SLC35F3: variants seen among roughly 807,000 people sequenced by gnomAD.
The protein encoded by SLC35F3 is solute carrier family 35 member F3, also known as putative thiamine transporter SLC35F3.
In SLC35F3, 25 loss-of-function variants were observed where a neutral mutation model predicts 49.9. The ratio of observed to expected loss-of-function variants is 0.50; its 90% CI spans 0.37 to 0.70. The LOEUF is 0.70. Ranked by LOEUF, SLC35F3 falls within the 30% of genes least tolerant of loss-of-function variation. The pLI is 0.00. For missense variants in SLC35F3, 525 were observed against 639.8 expected (o/e 0.82, Z 1.94); for synonymous variants, 275 against 265.4 (o/e 1.04, Z -0.35).
chr1:234,239,648 TG>T (rs1667523351), intron 3 of SLC35F3, among the ~76,000 whole-genome samples: 1 of 152,230 alleles, frequency 6.6e-6, no homozygotes, highest in Non-Finnish European at 1.5e-5. Context: ...AGGAAAGAAG[TG>T]GGTCAGCGCT....
rs757276033 is a variant in SLC35F3 at position 234,264,139 on chromosome 1, G to A, written c.608+32398G>A. ...CAACAACAAAAAATGCCATAAATTG[G>A]GAGGAAATGTTAGCAATACAGAAAT... On this transcript the variant is annotated intron_variant, in intron 3 of 7. Transcript: ENST00000366618. Among the ~76,000 whole-genome samples, 24 of 152,178 alleles carry A rather than the reference G, an allele frequency of 1.6e-4. No homozygotes were observed. The Middle Eastern group carries it at 0.014, about 86-fold the overall frequency.
intron 2 of SLC35F3, among the ~76,000 whole-genome samples, chr1:234,136,770 A>G (rs563907272): frequency 6.6e-6 from 1 of 152,228 alleles, no homozygotes; most frequent in African/African-American, 2.4e-5. Context: ...CTATGTGCAG[A>G]TGCAGGCCAG....
chr1:234,288,122 A>G (rs766725970), intron 3 of SLC35F3, among the ~76,000 whole-genome samples: 1 of 151,466 alleles, frequency 6.6e-6, no homozygotes, highest in Non-Finnish European at 1.5e-5. Context: ...CCTGGCTTCA[A>G]GCAATCCTCC....
At chr1:234,054,497 T>C (rs887612165) in intron 2 of SLC35F3, among the ~76,000 whole-genome samples, 1 of 152,244 alleles carries the variant, frequency 6.6e-6, no homozygotes, top group Non-Finnish European at 1.5e-5. Flanking sequence ...CATCAGGTCA[T>C]TTAAGGTCTT....
intron 2 of SLC35F3, among the ~76,000 whole-genome samples, chr1:233,992,438 G>A (rs77087906): frequency 0.023 from 3,472 of 152,232 alleles, 119 homozygotes; most frequent in African/African-American, 0.076. Context: ...GAAGGTCGAC[G>A]GGGAAGTGGA....
intron 3 of SLC35F3, among the ~76,000 whole-genome samples, chr1:234,287,374 C>A (rs535572903): frequency 6.6e-6 from 1 of 152,134 alleles, no homozygotes; most frequent in Admixed American, 6.5e-5. Flanking sequence ...AGTCACATAA[C>A]AAATAAGTGA....
chr1:233,921,749 C>T (rs1662064058), intron 2 of SLC35F3, among the ~76,000 whole-genome samples: 1 of 151,968 alleles, frequency 6.6e-6, no homozygotes, highest in Non-Finnish European at 1.5e-5. Context: ...GTGTGCTGCA[C>T]CCATTAACCC....
intron 2 of SLC35F3, among the ~76,000 whole-genome samples, chr1:234,053,210 G>T (rs1262370535): frequency 6.6e-6 from 1 of 152,094 alleles, no homozygotes; most frequent in Non-Finnish European, 1.5e-5. Context: ...TTTCTGTCTC[G>T]TTGATCTGTC....
chr1:233,948,349 C>T (rs1662550063), intron 2 of SLC35F3, among the ~76,000 whole-genome samples: 1 of 151,914 alleles, frequency 6.6e-6, no homozygotes, highest in Non-Finnish European at 1.5e-5. Flanking sequence ...TGTTCTTCCT[C>T]CAGCCCCATC....
At chr1:233,907,267 T>A (rs531648783) in intron 2 of SLC35F3, among the ~76,000 whole-genome samples, 1 of 152,384 alleles carries the variant, frequency 6.6e-6, no homozygotes, top group African/African-American at 2.4e-5. Flanking sequence ...AAAAAGGTTT[T>A]ATCTTTATAA....
chr1:234,009,509 A>G (rs1663681294), intron 2 of SLC35F3, among the ~76,000 whole-genome samples: 1 of 152,174 alleles, frequency 6.6e-6, no homozygotes, highest in African/African-American at 2.4e-5. Flanking sequence ...GCCTTTTTGA[A>G]TCAGGGCAAA....
chr1:234,095,169 G>C (rs1665098678), intron 2 of SLC35F3, among the ~76,000 whole-genome samples: 2 of 152,166 alleles, frequency 1.3e-5, no homozygotes, highest in South Asian at 4.1e-4. Flanking sequence ...GAAGAAGAGA[G>C]AAAATGATCT....
intron 5 of SLC35F3, 113 bp downstream of exon 5, chr1:234,316,840 C>A: frequency 1.5e-6 from 2 of 1,320,212 alleles, no homozygotes; most frequent in Non-Finnish European, 2.1e-6. Context: ...ACCTGTGCTT[C>A]AGGACAGGCA....
intron 2 of SLC35F3, among the ~76,000 whole-genome samples, chr1:233,960,912 C>T (rs760205354): frequency 2.6e-5 from 4 of 152,028 alleles, no homozygotes; most frequent in Non-Finnish European, 5.9e-5. Flanking sequence ...TAGAGTGAGC[C>T]TGTGTCTCTC....
intron 2 of SLC35F3, among the ~76,000 whole-genome samples, chr1:234,040,208 G>T (rs956929408): frequency 6.6e-6 from 1 of 152,128 alleles, no homozygotes; most frequent in Non-Finnish European, 1.5e-5. Context: ...CTGAAGTCAA[G>T]TTGCCTCTCT....
chr1:233,935,907 C>T (rs906922515), intron 2 of SLC35F3, among the ~76,000 whole-genome samples: 32 of 152,296 alleles, frequency 2.1e-4, no homozygotes, highest in African/African-American at 6.0e-4. Context: ...GTAAAGCAGA[C>T]GGTGTGTTTC....
At chr1:234,050,228 G>A (rs1368490129) in intron 2 of SLC35F3, among the ~76,000 whole-genome samples, 1 of 152,198 alleles carries the variant, frequency 6.6e-6, no homozygotes, top group African/African-American at 2.4e-5. Context: ...CTTCCACAAT[G>A]GTTGAACTAG....
chr1:234,048,781 G>A (rs574773903), intron 2 of SLC35F3, among the ~76,000 whole-genome samples: 1 of 152,328 alleles, frequency 6.6e-6, no homozygotes, highest in South Asian at 2.1e-4. Flanking sequence ...AGCCCAGTGG[G>A]TTCAGAAGGC....
Position 234,104,357 on chromosome 1 carries a change from G to GA in SLC35F3, c.284-127052dup, listed in dbSNP as rs919120677. Among the ~76,000 whole-genome samples the GA allele has an allele frequency of 2.6e-4, 40 of 151,888 alleles. No homozygotes were observed. The East Asian group carries it at 6.4e-3, about 24-fold the overall frequency. ...CTTGAATATAGGTAGCAAGGTATAA[G>GA]AAAAAAAACTATAAAGAAAGAAAAA... On this transcript the variant is annotated intron_variant, in intron 2 of 7. Transcript: ENST00000366618.
Sources: gnomAD v4.1 joint callset for allele counts (sites outside exome capture counted in the v4.1 genomes callset) on GRCh38, gnomAD v4.1.1 for gene constraint, MANE v1.5 for transcripts, NCBI Gene and HGNC (gene_info 2026-07-23, HGNC 2026-07-21) for gene names.